APOL6: variants seen among roughly 807,000 people sequenced by gnomAD.
APOL6 encodes apolipoprotein L, 6.
APOL6 carries 1 observed loss-of-function variant against 2.4 expected under a neutral mutation model. The ratio of observed to expected loss-of-function variants is 0.41; its 90% CI spans 0.15 to 1.94. The LOEUF (loss-of-function observed/expected upper bound fraction) is 1.94. Ranked by LOEUF, APOL6 falls within the 30% of genes most tolerant of loss-of-function variation. The pLI, the probability that APOL6 is intolerant of heterozygous loss-of-function variation, is 0.30. For synonymous variants in APOL6, 189 were observed against 169.3 expected (o/e 1.12, Z -0.90); for missense variants, 438 against 429.2 (o/e 1.02, Z -0.18).
Position 35,658,655 on chromosome 22 carries a change from C to T in APOL6, c.91C>T (p.Gln31Ter), listed in dbSNP as rs1186636120. The T allele has an allele frequency of 1.9e-6, 3 of 1,613,802 alleles. No individual in the cohort carries two copies. Among genetic ancestry groups the T allele is most frequent in the Non-Finnish European group, 2.5e-6 (3 of 1,179,938 alleles). The change falls in exon 3 of 3, where the codon CAA (glutamine) becomes TAA (stop). Residue 31 changes from glutamine to a stop codon, truncating the protein, a stop_gained. Coordinates refer to ENST00000409652, the MANE Select transcript of APOL6 (RefSeq NM_030641.4). LOFTEE classifies it low-confidence loss of function (END_TRUNC). ...TCCTCTGTGTGAAGACGTGGAGCTA[C>T]AAGACGGAGATCTGTCCCCCGAAGA... is the stretch of plus-strand genomic sequence containing the variant. ...DAPLCEDVEL[Q>*]DGDLSPEEKI...
At chr22:35,654,667 A>G (rs1014999567) in intron 1 of APOL6, among the ~76,000 whole-genome samples, 2 of 152,200 alleles carry the variant, frequency 1.3e-5, no homozygotes, top group African/African-American at 4.8e-5. Context: ...GTTCTTGGGA[A>G]TACAATTTGT....
chr22:35,654,342 C>T (rs1201202300), intron 1 of APOL6, among the ~76,000 whole-genome samples: 2 of 152,122 alleles, frequency 1.3e-5, no homozygotes, highest in Non-Finnish European at 2.9e-5. Flanking sequence ...GTTGTTTCCC[C>T]AGACAAGCAG....
chr22:35,659,650 T>C lies in APOL6; in HGVS notation c.*54T>C, dbSNP rs1924966714. On this transcript the variant is annotated 3_prime_UTR_variant, in exon 3 of 3. Coordinates refer to ENST00000409652, the MANE Select transcript of APOL6 (RefSeq NM_030641.4). ...CCTTGGAGGTCCAAATAATATCAAG[T>C]ACATCTTGGAGATGAGGGTGCCTGT... 6.6e-7 allele frequency: 1 copy of C among 1,504,906 alleles called. No individual in the cohort carries two copies. The highest frequency in any genetic ancestry group is 2.1e-5 in the Admixed American group (1 of 47,348). 93.2% of individuals were successfully genotyped at this position (1,504,906 alleles called of 1,614,324 possible). A position where few individuals can be genotyped will look rare whatever the true frequency, so the allele number is the denominator to read the frequency against.
At chr22:35,654,967 C>T (rs1490142842) in intron 1 of APOL6, among the ~76,000 whole-genome samples, 1 of 152,080 alleles carries the variant, frequency 6.6e-6, no homozygotes, top group Non-Finnish European at 1.5e-5. Flanking sequence ...GGAGATGGTA[C>T]CAGAGGAAGC....
Position 35,659,655 on chromosome 22 carries a change from C to G in APOL6, c.*59C>G. 6.7e-7 allele frequency: 1 copy of G among 1,499,812 alleles called. No individual in the cohort carries two copies. The highest frequency in any genetic ancestry group is 8.9e-7 in the Non-Finnish European group (1 of 1,122,376). 92.9% of individuals were successfully genotyped at this position (1,499,812 alleles called of 1,614,324 possible). On this transcript the variant is annotated 3_prime_UTR_variant, in exon 3 of 3. Transcript: ENST00000409652. ...GAGGTCCAAATAATATCAAGTACAT[C>G]TTGGAGATGAGGGTGCCTGTCCTGG...
intron 2 of APOL6, among the ~76,000 whole-genome samples, chr22:35,657,385 C>A (rs1924874002): frequency 6.6e-6 from 1 of 152,166 alleles, no homozygotes; most frequent in Non-Finnish European, 1.5e-5. Flanking sequence ...TTTATTAATT[C>A]ATTAACACTT....
intron 2 of APOL6, among the ~76,000 whole-genome samples, chr22:35,656,693 A>C (rs1924854054): frequency 6.6e-6 from 1 of 152,226 alleles, no homozygotes; most frequent in Non-Finnish European, 1.5e-5. Flanking sequence ...GTCAAGATTA[A>C]GTCAGGCGCA....
chr22:35,654,786 T>G (rs953548061), intron 1 of APOL6, among the ~76,000 whole-genome samples: 1 of 152,088 alleles, frequency 6.6e-6, no homozygotes, highest in Admixed American at 6.6e-5. Flanking sequence ...CCCCCAGATA[T>G]GCCTCTTTGG....
chr22:35,655,541 T>G (rs1207945462), intron 1 of APOL6, among the ~76,000 whole-genome samples: 1 of 152,214 alleles, frequency 6.6e-6, no homozygotes, highest in Non-Finnish European at 1.5e-5. Flanking sequence ...TGTTTGGGTA[T>G]CAGTAGTTTT....
rs997083589 is a variant in APOL6, at chr22:35,664,684, G to A, written c.*5088G>A. On this transcript the variant is annotated 3_prime_UTR_variant, in exon 3 of 3. Coordinates refer to ENST00000409652, the MANE Select transcript of APOL6 (RefSeq NM_030641.4). ...TGGGATAAATACTTATAGACCAACT[G>A]GACATAATTTAGAATATAAAGTCAT... is the stretch of plus-strand genomic sequence containing the variant. The A allele has an allele frequency of 2.6e-5, 4 of 151,788 alleles. No individual in the cohort carries two copies. Among genetic ancestry groups the A allele is most frequent in the Non-Finnish European group, 5.9e-5 (4 of 67,928 alleles). The allele number at this position is 151,788 out of a possible 1,614,324, so 9.4% of individuals were successfully genotyped here. A position where few individuals can be genotyped will look rare whatever the true frequency, so the allele number is the denominator to read the frequency against.
Position 35,668,148 on chromosome 22 carries a change from C to T in APOL6, c.*8552C>T, listed in dbSNP as rs1364168189. 6.6e-6 allele frequency: 1 copy of T among 152,244 alleles called. No individual in the cohort carries two copies. The highest frequency in any genetic ancestry group is 2.4e-5 in the African/African-American group (1 of 41,464). The allele number at this position is 152,244 out of a possible 1,614,324, so 9.4% of individuals were successfully genotyped here. On this transcript the variant is annotated 3_prime_UTR_variant, in exon 3 of 3. Transcript: ENST00000409652. ...AGGCATTCCTTTCTATCGATAATTA[C>T]TCTTTCAACCAATTGCCAATCAGAA...
At chr22:35,650,334 A>G (rs1924654372) in intron 1 of APOL6, among the ~76,000 whole-genome samples, 1 of 152,254 alleles carries the variant, frequency 6.6e-6, no homozygotes, top group Non-Finnish European at 1.5e-5. Flanking sequence ...CAAAAATTAT[A>G]AATACAAAAT....
intron 1 of APOL6, among the ~76,000 whole-genome samples, chr22:35,652,899 T>A (rs1167042757): frequency 1.3e-5 from 2 of 152,104 alleles, no homozygotes; most frequent in African/African-American, 4.8e-5. Context: ...TGGTTCCATA[T>A]GAACTTTAAA....
At position 35,666,144 on chromosome 22, in the gene APOL6, G is replaced by A. The variant is rs1340243387; in HGVS notation, c.*6548G>A. 2 of 152,078 alleles carry A rather than the reference G, an allele frequency of 1.3e-5. No individual in the cohort carries two copies. The highest frequency in any genetic ancestry group is 2.9e-5 in the Non-Finnish European group (2 of 68,018). The allele number at this position is 152,078 out of a possible 1,614,324, so 9.4% of individuals were successfully genotyped here. On this transcript the variant is annotated 3_prime_UTR_variant, in exon 3 of 3. Transcript: ENST00000409652. ...TACATTATCAGTAATAATCATAATT[G>A]TTATATTAAAATTATTGTGTGCCAC...
At chr22:35,654,546 A>C (rs1003322055) in intron 1 of APOL6, among the ~76,000 whole-genome samples, 74 of 151,574 alleles carry the variant, frequency 4.9e-4, no homozygotes, top group African/African-American at 1.5e-3. Flanking sequence ...CTCTCTATAT[A>C]TATATATATG....
Position 35,667,655 on chromosome 22 carries a change from G to A in APOL6, c.*8059G>A, listed in dbSNP as rs373261790. 2.0e-5 allele frequency: 3 copies of A among 152,202 alleles called. No individual in the cohort carries two copies. The highest frequency in any genetic ancestry group is 1.9e-4 in the East Asian group (1 of 5,194). The allele number at this position is 152,202 out of a possible 1,614,324, so 9.4% of individuals were successfully genotyped here. On this transcript the variant is annotated 3_prime_UTR_variant, in exon 3 of 3. Coordinates refer to ENST00000409652, the MANE Select transcript of APOL6 (RefSeq NM_030641.4). The stretch of plus-strand genomic sequence containing the variant: ...GACATTCAGACTATAGCACCAAGCT[G>A]TAGAAGCTACATAGTTGTAGACCAG...
At chr22:35,651,490 G>A (rs1924692307) in intron 1 of APOL6, among the ~76,000 whole-genome samples, 2 of 152,060 alleles carry the variant, frequency 1.3e-5, no homozygotes, top group African/African-American at 2.4e-5. Context: ...TTGGTGTGCT[G>A]CACCCATTAA....
At chr22:35,650,944 A>T (rs551077141) in intron 1 of APOL6, among the ~76,000 whole-genome samples, 69 of 141,938 alleles carry the variant, frequency 4.9e-4, no homozygotes, top group Non-Finnish European at 8.5e-4. Context: ...AAAAAAAAAA[A>T]ATTTTTTTAA....
At chr22:35,653,563 A>G (rs968259888) in intron 1 of APOL6, among the ~76,000 whole-genome samples, 4 of 152,136 alleles carry the variant, frequency 2.6e-5, no homozygotes, top group African/African-American at 9.7e-5. Flanking sequence ...TTATTTTGAG[A>G]TACGTGGCAA....
Sources: gnomAD v4.1 joint callset for allele counts (sites outside exome capture counted in the v4.1 genomes callset) on GRCh38, gnomAD v4.1.1 for gene constraint, MANE v1.5 for transcripts, NCBI Gene and HGNC (gene_info 2026-07-23, HGNC 2026-07-21) for gene names.